The following TLE4 variants were observed in gnomAD, a reference collection of about 807,000 sequenced individuals.
TLE4 encodes transducin-like enhancer protein 4.
TLE4 carries 8 observed loss-of-function variants against 92.8 expected under a neutral mutation model. The observed-to-expected ratio is 0.09, with a 90% confidence interval of 0.05 to 0.16. The LOEUF (loss-of-function observed/expected upper bound fraction) is 0.16, where lower values mean the gene tolerates loss of function less well. Ranked by LOEUF, TLE4 falls within the 10% of genes least tolerant of loss-of-function variation. The probability of loss-of-function intolerance (pLI) is 1.00; values close to 1 mark genes in which losing one functional copy is unlikely to be tolerated. For missense variants in TLE4, 675 were observed against 997.6 expected, an observed-to-expected ratio of 0.68 and a Z score of 4.36; for synonymous variants, 371 against 374.1, an observed-to-expected ratio of 0.99 and a Z score of 0.10.
At chr9:79,665,051 C>A (rs548856484) in intron 8 of TLE4, among the ~76,000 whole-genome samples, 3 of 152,112 alleles carry the variant, frequency 2.0e-5, no homozygotes, top group Non-Finnish European at 4.4e-5. Flanking sequence ...AACAGAAGTT[C>A]GATTGCATTA....
At chr9:79,625,435 A>AT (rs2052356063) in intron 5 of TLE4, among the ~76,000 whole-genome samples, 1 of 152,202 alleles carries the variant, frequency 6.6e-6, no homozygotes. Flanking sequence ...AAACACGAAC[A>AT]ATTTGCACAT....
intron 8 of TLE4, among the ~76,000 whole-genome samples, chr9:79,679,149 G>A (rs1253573664): frequency 2.0e-5 from 3 of 151,988 alleles, no homozygotes; most frequent in Admixed American, 6.6e-5. Context: ...TAATGGGATG[G>A]CTGGGTCAAA....
Position 79,708,585 on chromosome 9 carries a change from G to C in TLE4, c.1070-8G>C, listed in dbSNP as rs913193126. On this transcript the variant is annotated splice_region_variant and splice_polypyrimidine_tract_variant and intron_variant, in intron 12 of 19. Coordinates refer to ENST00000376552, the MANE Select transcript of TLE4 (RefSeq NM_007005.6). The stretch of plus-strand genomic sequence containing the variant: ...CTTCATTTTTCTTCCATCCATTTTG[G>C]TTTGCAGCCTCAAGCCTAAGGACCC... The C allele has an allele frequency of 1.4e-5, 22 of 1,604,096 alleles. No homozygotes were observed. The highest frequency in any genetic ancestry group is 1.9e-5 in the Non-Finnish European group (22 of 1,174,590).
intron 8 of TLE4, among the ~76,000 whole-genome samples, chr9:79,696,304 G>A (rs1462476585): frequency 6.6e-6 from 1 of 152,050 alleles, no homozygotes; most frequent in East Asian, 1.9e-4. Flanking sequence ...TACATAGGTG[G>A]TTCACATTAT....
intron 6 of TLE4, among the ~76,000 whole-genome samples, chr9:79,651,031 ATCTCTCTCTCTCTCTCTCTCTC>A (rs10580766): frequency 2.2e-5 from 3 of 138,744 alleles, no homozygotes; most frequent in Non-Finnish European, 4.6e-5. Flanking sequence ...GGAATGATCG[ATCTCTCTCTCTCTCTCTCTCTC>A]TCTCTCTCTC....
At chr9:79,693,753 G>A (rs907097045) in intron 8 of TLE4, 16 of 446,320 alleles carry the variant, frequency 3.6e-5, no homozygotes, top group South Asian at 2.2e-4. Context: ...CATGTCCTTC[G>A]AACCATATTT....
chr9:79,598,807 C>T (rs1007323511), intron 4 of TLE4, among the ~76,000 whole-genome samples: 1 of 151,990 alleles, frequency 6.6e-6, no homozygotes, highest in African/African-American at 2.4e-5. Context: ...TAACACATGG[C>T]GTTTGTTATT....
chr9:79,666,219 T>G (rs1449079623), intron 8 of TLE4, among the ~76,000 whole-genome samples: 24 of 41,596 alleles, frequency 5.8e-4, no homozygotes, highest in African/African-American at 1.3e-3. Context: ...TTTTTTTTGT[T>G]TTTTTTTTTT....
intron 8 of TLE4, among the ~76,000 whole-genome samples, chr9:79,700,687 C>T (rs2069557234): frequency 1.3e-5 from 2 of 151,396 alleles, no homozygotes; most frequent in South Asian, 2.1e-4. Flanking sequence ...TTTTCTTAAA[C>T]AGATCTACCC....
chr9:79,599,615 C>T (rs745688942), intron 4 of TLE4, among the ~76,000 whole-genome samples: 6 of 152,144 alleles, frequency 3.9e-5, no homozygotes, highest in Non-Finnish European at 7.3e-5. Context: ...AGATGTACAA[C>T]GAACACTATC....
At chr9:79,573,538 C>A in intron 1 of TLE4, 151 bp from the exon 2 acceptor site, 1 of 817,518 alleles carries the variant, frequency 1.2e-6, no homozygotes, top group Non-Finnish European at 1.7e-6. Context: ...CTGTTGGGCG[C>A]GAGGAGGGTT....
chr9:79,597,578 T>TC (rs1361103973), intron 4 of TLE4, among the ~76,000 whole-genome samples: 2 of 151,900 alleles, frequency 1.3e-5, no homozygotes, highest in Non-Finnish European at 2.9e-5. Flanking sequence ...AATGACATAG[T>TC]CCCCCCACAA....
At chr9:79,688,477 G>T (rs1476313244) in intron 8 of TLE4, among the ~76,000 whole-genome samples, 1 of 152,040 alleles carries the variant, frequency 6.6e-6, no homozygotes, top group Non-Finnish European at 1.5e-5. Flanking sequence ...TTGGATTGCA[G>T]TATAGATAGC....
chr9:79,690,889 G>T (rs994107091), intron 8 of TLE4, among the ~76,000 whole-genome samples: 3 of 146,096 alleles, frequency 2.1e-5, no homozygotes, highest in African/African-American at 7.6e-5. Flanking sequence ...GCCTGCCTCA[G>T]CCTCCCGAAG....
chr9:79,603,181 A>T (rs2132698603), intron 4 of TLE4, among the ~76,000 whole-genome samples: 1 of 152,324 alleles, frequency 6.6e-6, no homozygotes, highest in East Asian at 1.9e-4. Context: ...TGAATATTAC[A>T]TCAACTTAGT....
rs2072365468 is a variant in TLE4 at position 79,708,632 on chromosome 9, A to G, written c.1109A>G (p.Tyr370Cys). 6.2e-7 allele frequency: 1 copy of G among 1,614,088 alleles called. No individual in the cohort carries two copies. Among genetic ancestry groups the G allele is most frequent in the Non-Finnish European group, 8.5e-7 (1 of 1,180,040 alleles). The change falls in exon 13 of 20, where the codon TAT (tyrosine) becomes TGT (cysteine). Residue 370 changes from tyrosine to cysteine, a missense_variant. Physicochemically the swap from Tyr to Cys is radical, Grantham distance 194. Transcript: ENST00000376552. ...LRTPMAVPCP[Y>C]PTPFGIVPHA... is the part of the protein sequence containing the mutation. ...ACCCCAATGGCAGTACCTTGTCCAT[A>G]TCCAACTCCATTTGGGATTGTGCCC... is the stretch of plus-strand genomic sequence containing the variant.
intron 8 of TLE4, among the ~76,000 whole-genome samples, chr9:79,654,846 T>C (rs558668008): frequency 5.6e-4 from 85 of 152,178 alleles, no homozygotes; most frequent in African/African-American, 2.0e-3. Flanking sequence ...AGACACAATA[T>C]AAATACACCA....
At chr9:79,713,850 G>T (rs1208152282) in intron 14 of TLE4, among the ~76,000 whole-genome samples, 1 of 94,780 alleles carries the variant, frequency 1.1e-5, no homozygotes, top group African/African-American at 3.6e-5. Context: ...AATTGTTGTT[G>T]TTTGTTGTTG....
intron 8 of TLE4, among the ~76,000 whole-genome samples, chr9:79,664,244 GT>G (rs2061022004): frequency 6.6e-6 from 1 of 152,186 alleles, no homozygotes. Context: ...TCAGCGGGAT[GT>G]TATTAGCTTA....
Sources: allele counts gnomAD v4.1 joint callset (sites outside exome capture counted in the v4.1 genomes callset), GRCh38; gene constraint gnomAD v4.1.1; transcripts MANE v1.5; gene names NCBI Gene and HGNC (gene_info 2026-07-23, HGNC 2026-07-21).